The following PPP3CC variants were observed in gnomAD, a reference collection of about 807,000 sequenced individuals.
PPP3CC encodes the protein protein phosphatase 3 catalytic subunit gamma.
PPP3CC carries 35 observed loss-of-function variants against 60.3 expected under a neutral mutation model. That is an observed-to-expected ratio of 0.58 (90% CI 0.44 to 0.77). The LOEUF is 0.77. Ranked by LOEUF, PPP3CC falls within the 30% of genes least tolerant of loss-of-function variation. The pLI, the probability that PPP3CC is intolerant of heterozygous loss-of-function variation, is 0.00. For synonymous variants in PPP3CC, 206 were observed against 224.3 expected (o/e 0.92, Z 0.73); for missense variants, 570 against 628.9 (o/e 0.91, Z 1.00).
In PPP3CC at chr8:22,530,526, A is replaced by AATAC. The variant is rs1295403362; in HGVS notation, c.1142-1696_1142-1695insCATA. On this transcript the variant is annotated intron_variant, in intron 10 of 13. Coordinates refer to ENST00000240139, the MANE Select transcript of PPP3CC (RefSeq NM_005605.5). ...AAACATAAAAATAAATAAATAAATAAATAAATAAATAAAAAGGAAGAATGG... is the reference window on the plus strand; with the variant it reads ...AAACATAAAAATAAATAAATAAATAAATACATAAATAAATAAAAAGGAAGAATGG... Among the ~76,000 whole-genome samples, 23 of 135,356 alleles carry AATAC rather than the reference A, an allele frequency of 1.7e-4. No individual in the cohort carries two copies. The East Asian group carries it at 5.1e-3, about 30-fold the overall frequency. 88.8% of individuals were successfully genotyped at this position (135,356 alleles called of 152,430 possible). A position where few individuals can be genotyped will look rare whatever the true frequency, so the allele number is the denominator to read the frequency against.
At chr8:22,449,447 CAAAAAAAAAAA>C (rs35113938) in intron 1 of PPP3CC, among the ~76,000 whole-genome samples, 5 of 59,670 alleles carry the variant, frequency 8.4e-5, no homozygotes, top group South Asian at 6.7e-4. Context: ...GACCCCATCT[CAAAAAAAAAAA>C]AAAAAAAAAA....
intron 5 of PPP3CC, 33 bp from the exon 6 acceptor site, chr8:22,513,260 A>AT (rs953047554): frequency 1.1e-5 from 17 of 1,595,896 alleles, no homozygotes; most frequent in Non-Finnish European, 1.4e-5. Flanking sequence ...TGCTCTCCTG[A>AT]TTTTTTTCTT....
chr8:22,509,946 G>A (rs1161392494), intron 4 of PPP3CC, among the ~76,000 whole-genome samples: 1 of 152,176 alleles, frequency 6.6e-6, no homozygotes, highest in African/African-American at 2.4e-5. Context: ...AGCACTTTGG[G>A]AGGCCAAGGC....
chr8:22,515,475 T>C (rs1340790858), intron 6 of PPP3CC, among the ~76,000 whole-genome samples: 6 of 152,248 alleles, frequency 3.9e-5, no homozygotes, highest in Non-Finnish European at 7.3e-5. Flanking sequence ...TTCCTTTCTT[T>C]TATATACATA....
intron 1 of PPP3CC, among the ~76,000 whole-genome samples, chr8:22,449,206 T>C (rs182094696): frequency 1.9e-4 from 29 of 152,236 alleles, no homozygotes; most frequent in African/African-American, 6.7e-4. Flanking sequence ...CCCAGTACTT[T>C]GGGAGGCCAA....
chr8:22,527,893 C>T (rs1471715852), intron 9 of PPP3CC, among the ~76,000 whole-genome samples: 1 of 152,170 alleles, frequency 6.6e-6, no homozygotes, highest in Non-Finnish European at 1.5e-5. Flanking sequence ...CCTCAGCCTC[C>T]CAAAGTGCTG....
At chr8:22,441,789 G>A (rs1178126144) in intron 1 of PPP3CC, among the ~76,000 whole-genome samples, 3 of 152,154 alleles carry the variant, frequency 2.0e-5, no homozygotes, top group African/African-American at 7.2e-5. Flanking sequence ...CATCGGGGGT[G>A]GTGTGAGCAG....
chr8:22,535,747 TTGGAGAC>T (rs1404016092), intron 12 of PPP3CC, among the ~76,000 whole-genome samples: 2 of 152,230 alleles, frequency 1.3e-5, no homozygotes, highest in Non-Finnish European at 2.9e-5. Context: ...TTTTCTTTTC[TTGGAGAC>T]AGAGTCTTGG....
At chr8:22,445,754 C>A (rs1836801717) in intron 1 of PPP3CC, among the ~76,000 whole-genome samples, 2 of 152,124 alleles carry the variant, frequency 1.3e-5, no homozygotes, top group African/African-American at 2.4e-5. Context: ...TATAAATTTT[C>A]AATGTGAATA....
intron 3 of PPP3CC, among the ~76,000 whole-genome samples, chr8:22,486,438 C>T (rs965917639): frequency 1.3e-5 from 2 of 152,064 alleles, no homozygotes; most frequent in African/African-American, 4.8e-5. Flanking sequence ...ATAAAGGGAA[C>T]TCTGCTGGGT....
chr8:22,540,925 C>A lies in PPP3CC; in HGVS notation c.*123C>A. On this transcript the variant is annotated 3_prime_UTR_variant, in exon 14 of 14. Coordinates refer to ENST00000240139, the MANE Select transcript of PPP3CC (RefSeq NM_005605.5). ...CGTGGAGGTGCATTTATAATTCAGT[C>A]TGCATTTATTCTGTAAAAAGGTGGC... 1.1e-6 allele frequency: 1 copy of A among 901,892 alleles called. No individual in the cohort carries two copies. Among genetic ancestry groups the A allele is most frequent in the Non-Finnish European group, 1.5e-6 (1 of 645,696 alleles). The allele number at this position is 901,892 out of a possible 1,614,324, so 55.9% of individuals were successfully genotyped here. A position where few individuals can be genotyped will look rare whatever the true frequency, so the allele number is the denominator to read the frequency against.
At chr8:22,467,575 G>A (rs1040291085) in intron 1 of PPP3CC, among the ~76,000 whole-genome samples, 2 of 151,964 alleles carry the variant, frequency 1.3e-5, no homozygotes, top group Non-Finnish European at 2.9e-5. Context: ...CCTGAGGCAA[G>A]CACGCGCCAC....
In PPP3CC at chr8:22,527,483, T is replaced by C. The variant is rs752845306; in HGVS notation, c.1035T>C (p.Val345=). 1 of 1,614,130 alleles carries C rather than the reference T, an allele frequency of 6.2e-7. No individual in the cohort carries two copies. Among genetic ancestry groups the C allele is most frequent in the Non-Finnish European group, 8.5e-7 (1 of 1,180,008 alleles). The change falls in exon 9 of 14, where the codon GTT becomes GTC. Residue 345 remains valine (V), a synonymous_variant. Transcript: ENST00000240139. ...ACTGGCTTCCAAACTTTATGGATGT[T>C]TTCACATGGTCTTTGCCTTTTGTTG... ...HPYWLPNFMD[V]FTWSLPFVGE...
chr8:22,488,143 T>C (rs900797235), intron 3 of PPP3CC, among the ~76,000 whole-genome samples: 18 of 152,136 alleles, frequency 1.2e-4, no homozygotes, highest in African/African-American at 4.3e-4. Context: ...AATCAAAAGA[T>C]ATATTGTGTT....
chr8:22,514,002 T>C (rs1410810734), intron 6 of PPP3CC, among the ~76,000 whole-genome samples: 2 of 152,198 alleles, frequency 1.3e-5, no homozygotes, highest in African/African-American at 4.8e-5. Flanking sequence ...TCCCAGCTCT[T>C]TGGGGTGCCT....
intron 8 of PPP3CC, among the ~76,000 whole-genome samples, chr8:22,526,377 T>C (rs1005035767): frequency 6.6e-6 from 1 of 152,202 alleles, no homozygotes; most frequent in African/African-American, 2.4e-5. Flanking sequence ...AATAATGATA[T>C]ATGACATATT....
chr8:22,446,012 CTTTA>C (rs1249003348), intron 1 of PPP3CC, among the ~76,000 whole-genome samples: 1 of 152,100 alleles, frequency 6.6e-6, no homozygotes, highest in Non-Finnish European at 1.5e-5. Flanking sequence ...GTGATCAAAG[CTTTA>C]TTTATGGTCT....
In PPP3CC at chr8:22,513,386, G is replaced by C. The variant is rs1839147590; in HGVS notation, c.724G>C (p.Glu242Gln). 1 of 1,613,972 alleles carries C rather than the reference G, an allele frequency of 6.2e-7. No homozygotes were observed. Among genetic ancestry groups the C allele is most frequent in the Non-Finnish European group, 8.5e-7 (1 of 1,179,964 alleles). Residue 242 changes from glutamate to glutamine, a missense_variant, in exon 6 of 14, where the codon GAG (glutamate) becomes CAG (glutamine). Transcript: ENST00000240139. ...GGATTATGGCAATGAGAAGACCTTG[G>C]AGCACTATACCCACAACACTGTCCG... Reference protein sequence around the residue: ...SEDYGNEKTLEHYTHNTVRGC... With the variant: ...SEDYGNEKTLQHYTHNTVRGC...
Position 22,522,579 on chromosome 8 carries a change from T to C in PPP3CC, c.848+11T>C, listed in dbSNP as rs201729704. ...AGCCCAAGATGCTGGGTAAGTTACATTAAAATTGTACCAAATATCGCTGCA... is the reference window on the plus strand; with the variant it reads ...AGCCCAAGATGCTGGGTAAGTTACACTAAAATTGTACCAAATATCGCTGCA... On this transcript the variant is annotated intron_variant, in intron 7 of 13. Coordinates refer to ENST00000240139, the MANE Select transcript of PPP3CC (RefSeq NM_005605.5). The C allele has an allele frequency of 1.4e-4, 226 of 1,604,468 alleles. No individual in the cohort carries two copies. Among genetic ancestry groups the C allele is most frequent in the Middle Eastern group, 1.3e-3 (8 of 6,040 alleles).
Sources: gnomAD v4.1 joint callset for allele counts (sites outside exome capture counted in the v4.1 genomes callset) on GRCh38, gnomAD v4.1.1 for gene constraint, MANE v1.5 for transcripts, NCBI Gene and HGNC (gene_info 2026-07-23, HGNC 2026-07-21) for gene names.